SLC5A11: variants seen among roughly 807,000 people sequenced by gnomAD.
SLC5A11 encodes solute carrier family 5 member 11, also known as sodium/myo-inositol cotransporter 2.
In SLC5A11, 48 loss-of-function variants were observed where a neutral mutation model predicts 69.8. The observed-to-expected ratio is 0.69, with a 90% CI of 0.55 to 0.87. The LOEUF (loss-of-function observed/expected upper bound fraction) is 0.87, where lower values mean the gene tolerates loss of function less well. Among genes scored for constraint, SLC5A11 ranks in the 40% least tolerant of loss-of-function variants. SLC5A11 has a pLI of 0.00. For synonymous variants in SLC5A11, 319 were observed against 342.4 expected (o/e 0.93, Z 0.75); for missense variants, 784 against 866.1 (o/e 0.91, Z 1.19).
At chr16:24,866,608 G>A (rs1487587732) in intron 3 of SLC5A11, among the ~76,000 whole-genome samples, 1 of 150,714 alleles carries the variant, frequency 6.6e-6, no homozygotes, top group Non-Finnish European at 1.5e-5. Flanking sequence ...ATGACTGAAA[G>A]TAAAAGTAAA....
At chr16:24,871,248 G>A (rs1039839680) in intron 4 of SLC5A11, among the ~76,000 whole-genome samples, 1 of 149,086 alleles carries the variant, frequency 6.7e-6, no homozygotes, top group Non-Finnish European at 1.5e-5. Context: ...TGGGTGGCAA[G>A]TGTTATTTCT....
At chr16:24,886,815 T>C (rs999595918) in intron 8 of SLC5A11, among the ~76,000 whole-genome samples, 1 of 152,084 alleles carries the variant, frequency 6.6e-6, no homozygotes, top group East Asian at 1.9e-4. Context: ...GATGTGGTGG[T>C]GCACACCTGT....
chr16:24,873,514 C>A (rs576205111), intron 5 of SLC5A11, among the ~76,000 whole-genome samples: 130 of 151,788 alleles, frequency 8.6e-4, no homozygotes, highest in African/African-American at 3.1e-3. Context: ...TGGTGTGCAC[C>A]TTTAGTCCCA....
chr16:24,898,751 C>T (rs1384489939), intron 10 of SLC5A11, among the ~76,000 whole-genome samples: 1 of 152,142 alleles, frequency 6.6e-6, no homozygotes, highest in Non-Finnish European at 1.5e-5. Flanking sequence ...ATCTCCTGAC[C>T]TCGTGATCCA....
chr16:24,849,200 C>G (rs191717194), intron 1 of SLC5A11, among the ~76,000 whole-genome samples: 3 of 152,236 alleles, frequency 2.0e-5, no homozygotes, highest in Non-Finnish European at 2.9e-5. Flanking sequence ...GTGGGGAAGA[C>G]TGGAAGAAGC....
intron 6 of SLC5A11, 127 bp downstream of exon 7, chr16:24,875,858 A>G (rs1322909589): frequency 1.5e-5 from 12 of 779,026 alleles, no homozygotes; most frequent in Non-Finnish European, 2.3e-5. Context: ...CAGGGAGATT[A>G]GAGGAAGATG....
chr16:24,897,753 A>G (rs555145732), intron 9 of SLC5A11, among the ~76,000 whole-genome samples: 19 of 152,300 alleles, frequency 1.2e-4, no homozygotes, highest in African/African-American at 4.3e-4. Flanking sequence ...GAGCCAAGTG[A>G]AAGGGGTTTC....
At chr16:24,847,112 T>C (rs535251705) in intron 1 of SLC5A11, among the ~76,000 whole-genome samples, 5 of 152,304 alleles carry the variant, frequency 3.3e-5, no homozygotes, top group African/African-American at 1.2e-4. Context: ...GATTTTCTTT[T>C]TCTTTCCTTT....
At chr16:24,905,599 G>A (rs995278458) in intron 10 of SLC5A11, among the ~76,000 whole-genome samples, 2 of 151,800 alleles carry the variant, frequency 1.3e-5, no homozygotes, top group South Asian at 4.2e-4. Context: ...TCCAGCCTGG[G>A]CGACAGAGCA....
chr16:24,908,985 G>A (rs1291939410), exon 14 of SLC5A11: 8 of 1,614,070 alleles, frequency 5.0e-6, no homozygotes, highest in East Asian at 2.2e-5. Context: ...ATGAGCGCCC[G>A]GTCCTGGTGA....
intron 13 of SLC5A11, 90 bp from the exon 15 acceptor site, chr16:24,908,791 A>G (rs1283430344): frequency 7.8e-7 from 1 of 1,283,006 alleles, no homozygotes; most frequent in African/African-American, 1.5e-5. Context: ...TGACCACCAC[A>G]AGAAAGACAA....
chr16:24,877,829 C>T (rs753906183), intron 7 of SLC5A11, among the ~76,000 whole-genome samples: 1 of 152,168 alleles, frequency 6.6e-6, no homozygotes, highest in Non-Finnish European at 1.5e-5. Flanking sequence ...ACTAAAAATA[C>T]AAAAATTAGC....
chr16:24,911,368 C>G (rs538502697), exon 16 of SLC5A11: 1 of 1,614,010 alleles, frequency 6.2e-7, no homozygotes, highest in African/African-American at 1.3e-5. Context: ...TGAAGGCCAT[C>G]CTGTGGCTCT....
intron 12 of SLC5A11, 81 bp downstream of exon 13, chr16:24,907,256 C>A: frequency 6.6e-7 from 1 of 1,507,350 alleles, no homozygotes; most frequent in Non-Finnish European, 9.1e-7. Flanking sequence ...GTTCAGCCAG[C>A]AACCTATCCA....
At chr16:24,853,154 G>T (rs1247363168) in intron 1 of SLC5A11, among the ~76,000 whole-genome samples, 1 of 148,916 alleles carries the variant, frequency 6.7e-6, no homozygotes, top group African/African-American at 2.5e-5. Context: ...CTGGTACACA[G>T]TTGGTGCCTA....
rs1176853436 is a variant in SLC5A11 at position 24,858,652 on chromosome 16, C to T, written c.9C>T (p.Ser3=). The T allele has an allele frequency of 2.5e-6, 4 of 1,608,976 alleles. No homozygotes were observed. In the South Asian group the frequency reaches 3.3e-5, roughly 13 times the overall value. ...AGGTCTCGTTCAGGACCATGGAGAG[C>T]GGCACCAGCAGCCCTCAGCCTCCAC... is the stretch of plus-strand genomic sequence containing the variant. The change falls in exon 2 of 16, where the codon AGC becomes AGT. Residue 3 remains serine (S), a synonymous_variant. Coordinates refer to ENST00000347898, the Ensembl canonical transcript of SLC5A11.
At chr16:24,896,987 C>G (rs1271571742) in intron 9 of SLC5A11, among the ~76,000 whole-genome samples, 1 of 123,760 alleles carries the variant, frequency 8.1e-6, no homozygotes, top group Non-Finnish European at 1.6e-5. Flanking sequence ...GAGTCTCACT[C>G]TATCGCCCAG....
intron 15 of SLC5A11, among the ~76,000 whole-genome samples, 199 bp downstream of exon 16, chr16:24,910,676 C>A (rs548040097): frequency 6.6e-6 from 1 of 152,074 alleles, no homozygotes. Flanking sequence ...AAGCTTCCTA[C>A]GGGCACTAAC....
intron 1 of SLC5A11, among the ~76,000 whole-genome samples, chr16:24,849,216 C>G (rs2059155329): frequency 6.6e-6 from 1 of 152,110 alleles, no homozygotes; most frequent in Admixed American, 6.6e-5. Context: ...GAAGCACGTG[C>G]TTGGGCTGGA....
Sources: allele counts gnomAD v4.1 joint callset (sites outside exome capture counted in the v4.1 genomes callset), GRCh38; gene constraint gnomAD v4.1.1; transcripts MANE v1.5; gene names NCBI Gene and HGNC (gene_info 2026-07-23, HGNC 2026-07-21).